Variants in ZNF624 observed in about 807,000 individuals in gnomAD.
ZNF624 encodes the protein zinc finger protein 624.
In ZNF624, 43 loss-of-function variants were observed where a neutral mutation model predicts 74.7. The ratio of observed to expected loss-of-function variants is 0.58; its 90% CI spans 0.45 to 0.74. ZNF624 has a LOEUF of 0.74. ZNF624 is among the 30% of genes least tolerant of loss of function. The pLI is 0.00. For missense variants in ZNF624, 820 were observed against 1,030.0 expected (o/e 0.80, Z 2.79); for synonymous variants, 331 against 341.3 (o/e 0.97, Z 0.33).
At chr17:16,641,248 T>A (rs904098324) in intron 3 of ZNF624, among the ~76,000 whole-genome samples, 26 of 152,050 alleles carry the variant, frequency 1.7e-4, no homozygotes, top group Admixed American at 1.2e-3. Context: ...AAGACAACAA[T>A]GTCCCTTCTC....
chr17:16,623,253 C>G lies in ZNF624; in HGVS notation c.1633G>C (p.Val545Leu). ...TCTCCTGTATGCATTCTGTGGTGTA[C>G]AGTAAGGCATGAATAATTAATGAAT... ...KAFINYSCLT[V>L]HHRMHTGEKP... The change falls in exon 6 of 6, where the codon GTA becomes CTA. Residue 545 changes from valine to leucine, a missense_variant. Val to Leu is a conservative substitution (Grantham distance 32). Coordinates refer to ENST00000311331, the MANE Select transcript of ZNF624 (RefSeq NM_020787.4). This position sits in a 1 kb window ranked among gnomAD's most constrained non-coding sequence, Gnocchi z 5.3. 1 of 1,613,856 alleles carries G rather than the reference C, an allele frequency of 6.2e-7. No homozygotes were observed. The highest frequency in any genetic ancestry group is 8.5e-7 in the Non-Finnish European group (1 of 1,179,874).
At chr17:16,650,415 A>ATAATAG (rs1909696671) in intron 1 of ZNF624, among the ~76,000 whole-genome samples, 1 of 140,646 alleles carries the variant, frequency 7.1e-6, no homozygotes, top group African/African-American at 2.9e-5. Context: ...AGCAGGTATA[A>ATAATAG]TAATAATAAT....
Position 16,622,485 on chromosome 17 carries a change from T to A in ZNF624, c.2401A>T (p.Ile801Phe). The part of the protein sequence containing the change: ...TLSQLTLHQR[I>F]HTGERPYKCE... Reference sequence around the variant, plus strand: ...TTATAGGGCCTCTCCCCAGTATGAATTCTCTGATGTAGGGTTAGCTGTGAT... The same window carrying A: ...TTATAGGGCCTCTCCCCAGTATGAAATCTCTGATGTAGGGTTAGCTGTGAT... The change falls in exon 6 of 6, where the codon ATT becomes TTT. Residue 801 changes from isoleucine (I) to phenylalanine (F), a missense_variant. Ile to Phe is a conservative substitution (Grantham distance 21). Coordinates refer to ENST00000311331, the MANE Select transcript of ZNF624 (RefSeq NM_020787.4). The A allele has an allele frequency of 6.2e-7, 1 of 1,613,948 alleles. No individual in the cohort carries two copies. Among genetic ancestry groups the A allele is most frequent in the Non-Finnish European group, 8.5e-7 (1 of 1,179,880 alleles).
chr17:16,614,254 AAGT>A, the ZNF624 span, among the ~76,000 whole-genome samples: 4 of 152,244 alleles, frequency 2.6e-5, no homozygotes, highest in South Asian at 8.3e-4. Context: ...AGCTCTATAA[AAGT>A]AGGTGGGTTT....
intron 5 of ZNF624, among the ~76,000 whole-genome samples, chr17:16,628,752 GTC>G (rs1909132967): frequency 6.6e-6 from 1 of 151,540 alleles, no homozygotes; most frequent in African/African-American, 2.4e-5. Context: ...AAGAAATAAT[GTC>G]TTAGAATTTT....
chr17:16,622,248 T>C lies in ZNF624; in HGVS notation c.*40A>G. The stretch of plus-strand genomic sequence containing the variant: ...CATAAAATATAGTTTATAAGATTCA[T>C]CTTGTGGAGTTGACATCTAGGTGAA... On this transcript the variant is annotated 3_prime_UTR_variant, in exon 6 of 6. Coordinates refer to ENST00000311331, the MANE Select transcript of ZNF624 (RefSeq NM_020787.4). The C allele has an allele frequency of 1.4e-6, 2 of 1,423,550 alleles. No homozygotes were observed. Among genetic ancestry groups the C allele is most frequent in the Non-Finnish European group, 9.4e-7 (1 of 1,061,494 alleles). 88.2% of individuals were successfully genotyped at this position (1,423,550 alleles called of 1,614,324 possible).
At chr17:16,618,583 TAC>T (rs1034878164), downstream of ZNF624, among the ~76,000 whole-genome samples, 3 of 152,120 alleles carry the variant, frequency 2.0e-5, no homozygotes, top group Non-Finnish European at 2.9e-5. Context: ...TTAGAAAACA[TAC>T]AGTTTACCCT....
intron 5 of ZNF624, chr17:16,631,472 T>C (rs906681343): frequency 1.7e-4 from 26 of 152,324 alleles, no homozygotes; most frequent in African/African-American, 6.3e-4. Flanking sequence ...ACACCTGAAA[T>C]CCCAGCAATT....
At chr17:16,625,926 A>C (rs1909060177) in intron 5 of ZNF624, among the ~76,000 whole-genome samples, 1 of 151,926 alleles carries the variant, frequency 6.6e-6, no homozygotes. Context: ...ACTCTTGTCC[A>C]TGATAGAATG....
At chr17:16,628,027 A>T (rs568493620) in intron 5 of ZNF624, among the ~76,000 whole-genome samples, 4 of 152,314 alleles carry the variant, frequency 2.6e-5, no homozygotes, top group Admixed American at 2.6e-4. Flanking sequence ...TGAAAGGCCA[A>T]CAAGGGCAGA....
At chr17:16,628,043 T>C (rs1909112849) in intron 5 of ZNF624, among the ~76,000 whole-genome samples, 1 of 152,152 alleles carries the variant, frequency 6.6e-6, no homozygotes, top group Non-Finnish European at 1.5e-5. Context: ...GCAGATCACC[T>C]GAGGCCAGGA....
At chr17:16,634,560 A>C (rs1909281171) in intron 4 of ZNF624, 70 bp downstream of exon 4, 1 of 1,534,404 alleles carries the variant, frequency 6.5e-7, no homozygotes, top group African/African-American at 1.4e-5. Flanking sequence ...AGTACTTTAG[A>C]GGCCCTTTAT....
chr17:16,616,585 C>T (rs1273924665), downstream of ZNF624, among the ~76,000 whole-genome samples: 1 of 152,156 alleles, frequency 6.6e-6, no homozygotes. Flanking sequence ...ACTAAATGAG[C>T]TTAATCTTTA....
At chr17:16,646,162 C>G (rs1909589253) in intron 3 of ZNF624, among the ~76,000 whole-genome samples, 1 of 152,038 alleles carries the variant, frequency 6.6e-6, no homozygotes, top group South Asian at 2.1e-4. Flanking sequence ...CTACCAGGGA[C>G]TCCCTTTGTC....
At chr17:16,627,982 G>C (rs188607196) in intron 5 of ZNF624, among the ~76,000 whole-genome samples, 1 of 152,204 alleles carries the variant, frequency 6.6e-6, no homozygotes, top group Admixed American at 6.5e-5. Flanking sequence ...GACCACGCTG[G>C]GCATAGTGGC....
At chr17:16,616,780 A>G (rs1284615369), downstream of ZNF624, 2 of 854,394 alleles carry the variant, frequency 2.3e-6, no homozygotes, top group East Asian at 2.6e-5. Context: ...AAGTATAAAC[A>G]TGGAAGAGTA....
chr17:16,647,262 T>C, intron 3 of ZNF624, 67 bp downstream of exon 3: 2 of 1,323,812 alleles, frequency 1.5e-6, no homozygotes, highest in South Asian at 2.4e-5. Flanking sequence ...CTGGGAACAT[T>C]GAGAATCAGA....
At chr17:16,644,663 A>C (rs1909544754) in intron 3 of ZNF624, among the ~76,000 whole-genome samples, 1 of 152,256 alleles carries the variant, frequency 6.6e-6, no homozygotes, top group Non-Finnish European at 1.5e-5. Flanking sequence ...GAAAGTAAAA[A>C]TTAGCTTATA....
Position 16,623,876 on chromosome 17 carries a change from C to T in ZNF624, c.1010G>A (p.Cys337Tyr), listed in dbSNP as rs771679970. The part of the protein sequence containing the change: ...TGEKPYKCNE[C>Y]GKAFIASSSL... ...TGAAGAAGCAATGAAGGCCTTTCCA[C>T]ATTCATTACATTTATAGGGTTTTTC... The change falls in exon 6 of 6, where the codon TGT (cysteine) becomes TAT (tyrosine). Residue 337 changes from cysteine (C) to tyrosine (Y), a missense_variant. Physicochemically the swap from Cys to Tyr is radical, Grantham distance 194 (BLOSUM62 -2). Coordinates refer to ENST00000311331, the MANE Select transcript of ZNF624 (RefSeq NM_020787.4). This position sits in a 1 kb window ranked among gnomAD's most constrained non-coding sequence, Gnocchi z 5.3. 1.9e-6 allele frequency: 3 copies of T among 1,613,912 alleles called. No individual in the cohort carries two copies. Among genetic ancestry groups the T allele is most frequent in the Non-Finnish European group, 2.5e-6 (3 of 1,179,990 alleles).
Sources: allele counts gnomAD v4.1 joint callset (sites outside exome capture counted in the v4.1 genomes callset), GRCh38; gene constraint gnomAD v4.1.1; non-coding constraint Gnocchi (gnomAD v3.1); transcripts MANE v1.5; gene names NCBI Gene and HGNC (gene_info 2026-07-23, HGNC 2026-07-21).